CUX1: variants seen among roughly 807,000 people sequenced by gnomAD.
CUX1 encodes the protein cut like homeobox 1.
Under a neutral mutation model 158.8 loss-of-function variants are expected in CUX1, and 31 were observed. The ratio of observed to expected loss-of-function variants is 0.20; its 90% CI spans 0.15 to 0.26. CUX1 has a LOEUF of 0.26. CUX1 is among the 10% of genes least tolerant of loss of function. The pLI is 1.00. For missense variants in CUX1, 1,589 were observed against 2,014.6 expected, an observed-to-expected ratio of 0.79 and a Z score of 4.04; for synonymous variants, 879 against 862.1, an observed-to-expected ratio of 1.02 and a Z score of -0.34.
At chr7:101,991,733 T>G (rs1815161081) in intron 2 of CUX1, among the ~76,000 whole-genome samples, 2 of 139,210 alleles carry the variant, frequency 1.4e-5, no homozygotes, top group African/African-American at 2.7e-5. Context: ...CACTTCAGCC[T>G]GGGGAACAGA....
At position 102,234,189 on chromosome 7, in the gene CUX1, G is replaced by A. The variant is rs143090345; in HGVS notation, c.3571G>A (p.Asp1191Asn). The A allele has an allele frequency of 1.3e-5, 20 of 1,594,980 alleles. No homozygotes were observed. Among genetic ancestry groups the A allele is most frequent in the Non-Finnish European group, 1.6e-5 (19 of 1,171,940 alleles). Residue 1191 changes from aspartate (D) to asparagine (N), a missense_variant, in exon 22 of 24, where the codon GAC becomes AAC. Physicochemically the swap from Asp to Asn is conservative, Grantham distance 23. Transcript: ENST00000292535. ...CGTCCGGATGCAGCTGTGGCTGAACGACCCCAACAATGTGGAGAAGCTGAT... is the reference window on the plus strand; with the variant it reads ...CGTCCGGATGCAGCTGTGGCTGAACAACCCCAACAATGTGGAGAAGCTGAT... ...PFVRMQLWLN[D>N]PNNVEKLMDM...
chr7:102,219,700 C>T (rs1277742020), intron 20 of CUX1, among the ~76,000 whole-genome samples: 1 of 152,190 alleles, frequency 6.6e-6, no homozygotes, highest in African/African-American at 2.4e-5. Flanking sequence ...GGTAAGGAAA[C>T]GTCCAGTGGC....
At chr7:102,208,914 C>T (rs563148494) in intron 20 of CUX1, among the ~76,000 whole-genome samples, 177 of 152,272 alleles carry the variant, frequency 1.2e-3, no homozygotes, top group African/African-American at 4.0e-3. Context: ...TTCTGGGCCT[C>T]GAAGATGGAC....
In CUX1 at chr7:102,201,589, G is replaced by C. The variant is rs1554519765; in HGVS notation, c.2292G>C (p.Leu764=). Residue 764 remains leucine, a synonymous_variant, in exon 18 of 24, where the codon CTG becomes CTC. Transcript: ENST00000292535. This position sits in a 1 kb window ranked among gnomAD's most constrained non-coding sequence, Gnocchi z 5.0. The part of the protein sequence containing the change: ...VSSYPPLAIS[L]KKPSAAPEAG... ...GCTACCCACCTCTCGCCATCTCCCT[G>C]AAGAAGCCCTCCGCAGCTCCTGAGG... 4.3e-6 allele frequency: 7 copies of C among 1,614,114 alleles called. No individual in the cohort carries two copies. In the South Asian group the frequency reaches 7.7e-5, roughly 18 times the overall value.
At chr7:101,978,905 G>A (rs1486602104) in intron 2 of CUX1, among the ~76,000 whole-genome samples, 4 of 152,288 alleles carry the variant, frequency 2.6e-5, no homozygotes, top group African/African-American at 7.2e-5. Context: ...CACGGCGTAC[G>A]TCCAGCCCCA....
chr7:101,854,770 A>T (rs903303317), intron 1 of CUX1, among the ~76,000 whole-genome samples: 1 of 152,162 alleles, frequency 6.6e-6, no homozygotes, highest in Non-Finnish European at 1.5e-5. Context: ...TTTGAGATGA[A>T]GTCTCACTCT....
rs36052208 is a variant in CUX1 at position 101,965,848 on chromosome 7, C to CAA, written c.141+49648_141+49649dup. Among the ~76,000 whole-genome samples the CAA allele has an allele frequency of 7.9e-3, 394 of 50,166 alleles. 36 individuals are homozygous for CAA. The highest frequency in any genetic ancestry group is 8.4e-3 in the Non-Finnish European group (271 of 32,214). 32.9% of individuals were successfully genotyped at this position (50,166 alleles called of 152,430 possible). On this transcript the variant is annotated intron_variant, in intron 2 of 23. Coordinates refer to ENST00000292535, the MANE Select transcript of CUX1 (RefSeq NM_181552.4). The stretch of plus-strand genomic sequence containing the variant: ...TGGGCAACAGTGTGTGACTCCATCT[C>CAA]AAAAAAAAAAAAAAAAAAAAAAAAA...
chr7:101,821,676 T>C (rs1381243399), intron 1 of CUX1, among the ~76,000 whole-genome samples: 10 of 95,084 alleles, frequency 1.1e-4, no homozygotes, highest in African/African-American at 2.8e-4. Context: ...TTTTTCTTTT[T>C]TTTTTTTTTT....
At chr7:101,962,227 T>C (rs1461987793) in intron 2 of CUX1, among the ~76,000 whole-genome samples, 1 of 152,214 alleles carries the variant, frequency 6.6e-6, no homozygotes, top group African/African-American at 2.4e-5. Context: ...GATTTCATCT[T>C]TTTAATATTT....
chr7:102,154,933 A>G (rs1256767111), intron 8 of CUX1, among the ~76,000 whole-genome samples: 2 of 152,192 alleles, frequency 1.3e-5, no homozygotes, highest in African/African-American at 2.4e-5. Flanking sequence ...CCACCTCCCA[A>G]GTTCTGCAGC....
chr7:102,023,503 T>A (rs1264785365), intron 2 of CUX1, among the ~76,000 whole-genome samples: 1 of 152,196 alleles, frequency 6.6e-6, no homozygotes, highest in African/African-American at 2.4e-5. Context: ...AGAGTCTCTC[T>A]CTGTTACCCA....
At position 102,165,742 on chromosome 7, in the gene CUX1, ACTT is replaced by A. The variant is rs769282254; in HGVS notation, c.724-4698_724-4696del. On this transcript the variant is annotated intron_variant, in intron 9 of 23. Coordinates refer to ENST00000292535, the MANE Select transcript of CUX1 (RefSeq NM_181552.4). ...GGGCAGGGGTTGGGGGGCCCGTGGA[ACTT>A]CTTCTAGGATGAGGTGACCTCGTGG... 4.6e-5 allele frequency among the ~76,000 whole-genome samples: 7 copies of A among 152,068 alleles called. No homozygotes were observed. The East Asian group carries it at 7.7e-4, about 17-fold the overall frequency.
intron 2 of CUX1, among the ~76,000 whole-genome samples, chr7:102,025,939 G>C (rs10953357): frequency 1.3e-5 from 2 of 151,976 alleles, no homozygotes; most frequent in Non-Finnish European, 2.9e-5. Context: ...CACTGTGGGA[G>C]ATCAAGACAG....
intron 2 of CUX1, among the ~76,000 whole-genome samples, chr7:102,015,435 C>G (rs1020454123): frequency 1.3e-5 from 2 of 152,102 alleles, no homozygotes; most frequent in Non-Finnish European, 2.9e-5. Flanking sequence ...ACTGTGTTGG[C>G]CAGGCTGGTC....
intron 12 of CUX1, among the ~76,000 whole-genome samples, chr7:102,192,131 C>G (rs564868239): frequency 6.6e-6 from 1 of 152,300 alleles, no homozygotes; most frequent in South Asian, 2.1e-4. Flanking sequence ...TGCCCGCGTC[C>G]CCTTCTCAGC....
At chr7:102,079,350 A>C (rs1309668381) in intron 4 of CUX1, among the ~76,000 whole-genome samples, 2 of 152,046 alleles carry the variant, frequency 1.3e-5, no homozygotes, top group African/African-American at 4.8e-5. Flanking sequence ...AGTCACGAGA[A>C]TCGCTTGAAC....
intron 1 of CUX1, among the ~76,000 whole-genome samples, chr7:101,838,818 C>T (rs1209702144): frequency 1.3e-5 from 2 of 151,960 alleles, no homozygotes; most frequent in African/African-American, 2.4e-5. Context: ...AAAAAAAATC[C>T]ACCTTCAGAA....
intron 6 of CUX1, among the ~76,000 whole-genome samples, chr7:102,105,793 G>A (rs1188387084): frequency 2.6e-5 from 4 of 152,060 alleles, no homozygotes; most frequent in African/African-American, 9.7e-5. Context: ...GATTACAGGT[G>A]TGAGCCACCA....
chr7:102,120,262 C>G (rs191193854), intron 8 of CUX1, among the ~76,000 whole-genome samples: 17 of 152,344 alleles, frequency 1.1e-4, no homozygotes, highest in African/African-American at 3.1e-4. Flanking sequence ...ATCCTATGCC[C>G]TGTCCCCAAG....
Sources: allele counts gnomAD v4.1 joint callset (sites outside exome capture counted in the v4.1 genomes callset), GRCh38; gene constraint gnomAD v4.1.1; non-coding constraint Gnocchi (gnomAD v3.1); transcripts MANE v1.5; gene names NCBI Gene and HGNC (gene_info 2026-07-23, HGNC 2026-07-21).